The following TBC1D1 variants were observed in gnomAD, a reference collection of about 807,000 sequenced individuals.
TBC1D1 encodes TBC1 (tre-2/USP6, BUB2, cdc16) domain family, member 1.
Under a neutral mutation model 125.6 loss-of-function variants are expected in TBC1D1, and 89 were observed. That is an observed-to-expected ratio of 0.71 (90% CI 0.60 to 0.85). The LOEUF (loss-of-function observed/expected upper bound fraction) is 0.85. Among genes scored for constraint, TBC1D1 ranks in the 40% least tolerant of loss-of-function variants. The pLI, the probability that TBC1D1 is intolerant of heterozygous loss-of-function variation, is 0.00. For synonymous variants in TBC1D1, 565 were observed against 564.1 expected (o/e 1.00, Z -0.02); for missense variants, 1,377 against 1,469.2 (o/e 0.94, Z 1.03).
intron 15 of TBC1D1, among the ~76,000 whole-genome samples, chr4:38,104,283 A>G (rs1760890418): frequency 6.6e-6 from 1 of 152,076 alleles, no homozygotes; most frequent in Non-Finnish European, 1.5e-5. Flanking sequence ...GACTCCTGCA[A>G]CCTATCCCCC....
chr4:38,111,411 A>G (rs1405751434), intron 15 of TBC1D1, among the ~76,000 whole-genome samples: 1 of 152,190 alleles, frequency 6.6e-6, no homozygotes, highest in East Asian at 1.9e-4. Flanking sequence ...TATATTACCA[A>G]TTAATTAAAA....
rs751044002 is a variant in TBC1D1 at position 38,124,976 on chromosome 4, C to T, written c.2977C>T (p.Gln993Ter). 6.2e-7 allele frequency: 1 copy of T among 1,612,554 alleles called. No homozygotes were observed. Among genetic ancestry groups the T allele is most frequent in the Admixed American group, 1.7e-5 (1 of 59,574 alleles). Reference sequence around the variant, plus strand: ...TGTTTTCTCAGATATGATTTTTCTTCAGGGAACAGAGGTCATATTTAAAGT... The same window carrying T: ...TGTTTTCTCAGATATGATTTTTCTTTAGGGAACAGAGGTCATATTTAAAGT... The change falls in exon 18 of 20, where the codon CAG becomes TAG. Residue 993 changes from glutamine (Q) to a stop codon, truncating the protein, a stop_gained. Coordinates refer to ENST00000261439, the MANE Select transcript of TBC1D1 (RefSeq NM_015173.4). LOFTEE classifies it high-confidence loss of function.
At chr4:38,127,862 G>C (rs76257324) in intron 18 of TBC1D1, among the ~76,000 whole-genome samples, 15,176 of 152,104 alleles carry the variant, frequency 0.1, 1,138 homozygotes, top group East Asian at 0.36. Context: ...ACCTAAGATC[G>C]GCTGGCAGAC....
intron 2 of TBC1D1, among the ~76,000 whole-genome samples, chr4:37,951,278 G>C (rs538889614): frequency 6.6e-6 from 1 of 152,304 alleles, no homozygotes; most frequent in Admixed American, 6.5e-5. Flanking sequence ...ATGATCGTGG[G>C]AAGAGAAGTG....
At chr4:38,131,381 T>C (rs1765560026) in intron 18 of TBC1D1, among the ~76,000 whole-genome samples, 1 of 152,242 alleles carries the variant, frequency 6.6e-6, no homozygotes, top group Admixed American at 6.5e-5. Context: ...TTTTAACATT[T>C]GTGGTTTTTA....
At chr4:37,971,655 C>T (rs1474730852) in intron 2 of TBC1D1, among the ~76,000 whole-genome samples, 2 of 151,986 alleles carry the variant, frequency 1.3e-5, no homozygotes, top group Admixed American at 6.6e-5. Flanking sequence ...ATTTGGATAG[C>T]CTATTGCTTT....
At chr4:37,893,187 G>A (rs1191675661) in intron 1 of TBC1D1, among the ~76,000 whole-genome samples, 1 of 152,130 alleles carries the variant, frequency 6.6e-6, no homozygotes. Flanking sequence ...GGAGAGCAAG[G>A]GGCTCAAGAG....
chr4:37,979,172 C>T (rs1056554844), intron 2 of TBC1D1, among the ~76,000 whole-genome samples: 4 of 152,154 alleles, frequency 2.6e-5, no homozygotes, highest in Non-Finnish European at 2.9e-5. Context: ...CCACCACACC[C>T]GCCCTCAAAA....
chr4:38,112,154 AGGTGGT>A, intron 15 of TBC1D1: 1 of 790,292 alleles, frequency 1.3e-6, no homozygotes, highest in Non-Finnish European at 1.5e-6. Flanking sequence ...TGCTGAATCT[AGGTGGT>A]GGTGGTGATT....
chr4:37,919,569 T>TGG (rs1720486791), intron 2 of TBC1D1, among the ~76,000 whole-genome samples: 1 of 152,138 alleles, frequency 6.6e-6, no homozygotes, highest in South Asian at 2.1e-4. Flanking sequence ...AAGACTCATA[T>TGG]GTGATCACTG....
At chr4:38,082,102 A>C (rs1055847710) in intron 12 of TBC1D1, among the ~76,000 whole-genome samples, 1 of 152,218 alleles carries the variant, frequency 6.6e-6, no homozygotes, top group African/African-American at 2.4e-5. Flanking sequence ...CAGTTTCCAC[A>C]TCTGGGAAGA....
chr4:38,038,638 C>A (rs1747676603), intron 8 of TBC1D1, among the ~76,000 whole-genome samples: 1 of 152,094 alleles, frequency 6.6e-6, no homozygotes, highest in Admixed American at 6.5e-5. Flanking sequence ...AGCTCAAACC[C>A]CTATCAAGAT....
chr4:38,109,470 G>A (rs2152565981), intron 15 of TBC1D1, among the ~76,000 whole-genome samples: 1 of 152,278 alleles, frequency 6.6e-6, no homozygotes, highest in East Asian at 1.9e-4. Flanking sequence ...GGTGGTGCTG[G>A]CAAATGTTTA....
At chr4:37,993,139 C>T (rs191495679) in intron 2 of TBC1D1, among the ~76,000 whole-genome samples, 17 of 152,046 alleles carry the variant, frequency 1.1e-4, no homozygotes, top group African/African-American at 3.6e-4. Context: ...GAAATGTTAG[C>T]GAAGTTTAGG....
At chr4:37,971,091 C>T (rs1474351875) in intron 2 of TBC1D1, among the ~76,000 whole-genome samples, 2 of 152,098 alleles carry the variant, frequency 1.3e-5, no homozygotes, top group East Asian at 3.9e-4. Context: ...GGGATATGGT[C>T]AGGCTTAGTA....
chr4:38,125,521 T>C (rs1215018922), intron 18 of TBC1D1, among the ~76,000 whole-genome samples: 3 of 152,248 alleles, frequency 2.0e-5, no homozygotes, highest in African/African-American at 7.2e-5. Flanking sequence ...ATGGTTTTAA[T>C]TGGAATTTTC....
intron 3 of TBC1D1, among the ~76,000 whole-genome samples, chr4:38,016,573 A>C (rs975106916): frequency 6.6e-5 from 10 of 152,230 alleles, no homozygotes; most frequent in African/African-American, 2.2e-4. Flanking sequence ...AATTACAAAT[A>C]AACAAGTAAA....
chr4:38,062,453 G>A (rs1344894962), intron 12 of TBC1D1, among the ~76,000 whole-genome samples: 1 of 152,188 alleles, frequency 6.6e-6, no homozygotes, highest in Non-Finnish European at 1.5e-5. Context: ...TGGCAGAGAC[G>A]TGGATTTTTA....
chr4:37,915,835 T>G (rs1719615636), intron 2 of TBC1D1, among the ~76,000 whole-genome samples: 2 of 152,212 alleles, frequency 1.3e-5, no homozygotes, highest in Admixed American at 6.5e-5. Flanking sequence ...TTCCTGAGCT[T>G]CTTTCCCTTA....
Sources: gnomAD v4.1 joint callset for allele counts (sites outside exome capture counted in the v4.1 genomes callset) on GRCh38, gnomAD v4.1.1 for gene constraint, MANE v1.5 for transcripts, NCBI Gene and HGNC (gene_info 2026-07-23, HGNC 2026-07-21) for gene names.